The following CDH18 variants were observed in gnomAD, a reference collection of about 807,000 sequenced individuals.
CDH18 encodes cadherin 18, also known as cadherin-18.
Under a neutral mutation model 67.9 loss-of-function variants are expected in CDH18, and 31 were observed. That is an observed-to-expected ratio of 0.46 (90% CI 0.34 to 0.62). CDH18 has a LOEUF of 0.62. CDH18 is among the 20% of genes least tolerant of loss of function. The probability of loss-of-function intolerance (pLI) is 0.01; values close to 1 mark genes in which losing one functional copy is unlikely to be tolerated. For missense variants in CDH18, 890 were observed against 975.5 expected (o/e 0.91, Z 1.17); for synonymous variants, 362 against 347.2 (o/e 1.04, Z -0.48).
chr5:20,187,343 C>A (rs1738180275), intron 2 of CDH18, among the ~76,000 whole-genome samples: 2 of 151,732 alleles, frequency 1.3e-5, no homozygotes, highest in South Asian at 4.1e-4. Context: ...AATGTGTTAG[C>A]AACCTGTGTA....
At chr5:20,166,569 T>C (rs1382797604) in intron 2 of CDH18, among the ~76,000 whole-genome samples, 1 of 151,272 alleles carries the variant, frequency 6.6e-6, no homozygotes, top group Non-Finnish European at 1.5e-5. Flanking sequence ...TGAGTAAGAG[T>C]CACCTCGAAA....
At chr5:19,865,019 A>C (rs2149996524) in intron 2 of CDH18, among the ~76,000 whole-genome samples, 1 of 152,226 alleles carries the variant, frequency 6.6e-6, no homozygotes, top group Non-Finnish European at 1.5e-5. Context: ...CAATGGGTGA[A>C]ACCTCTGCTG....
At chr5:20,269,102 C>A (rs977696485) in intron 1 of CDH18, among the ~76,000 whole-genome samples, 9 of 151,962 alleles carry the variant, frequency 5.9e-5, no homozygotes, top group African/African-American at 2.4e-5. Context: ...AAAGAAGATA[C>A]ACAAATGGCC....
intron 2 of CDH18, among the ~76,000 whole-genome samples, chr5:20,104,619 T>C (rs1349389686): frequency 6.6e-6 from 1 of 152,134 alleles, no homozygotes; most frequent in African/African-American, 2.4e-5. Flanking sequence ...CTTCCCCACC[T>C]GTCCACGTCT....
intron 2 of CDH18, among the ~76,000 whole-genome samples, chr5:20,153,892 G>C (rs116470489): frequency 0.016 from 2,395 of 152,270 alleles, 33 homozygotes; most frequent in Middle Eastern, 0.031. Flanking sequence ...TTCCAAACTG[G>C]AATTGGTGGT....
chr5:19,864,336 C>T (rs1049829382), intron 2 of CDH18, among the ~76,000 whole-genome samples: 19 of 136,588 alleles, frequency 1.4e-4, no homozygotes, highest in Non-Finnish European at 2.4e-4. Context: ...AATGAGAACA[C>T]ATGGACACAG....
intron 1 of CDH18, among the ~76,000 whole-genome samples, chr5:20,391,203 T>A (rs113161963): frequency 6.6e-6 from 1 of 152,162 alleles, no homozygotes; most frequent in South Asian, 2.1e-4. Context: ...AACATAAAGA[T>A]ATATATAACA....
intron 5 of CDH18, among the ~76,000 whole-genome samples, chr5:19,622,876 T>C (rs80104292): frequency 0.044 from 6,641 of 152,202 alleles, 488 homozygotes; most frequent in African/African-American, 0.15. Flanking sequence ...GATTAAGAAA[T>C]TGCCTAGACA....
intron 1 of CDH18, among the ~76,000 whole-genome samples, chr5:20,562,305 C>G (rs577321254): frequency 6.6e-6 from 1 of 151,732 alleles, no homozygotes; most frequent in African/African-American, 2.4e-5. Flanking sequence ...GAGTTTGGTA[C>G]TATACACAAA....
chr5:19,787,138 C>T lies in CDH18; in HGVS notation c.229-39902G>A, dbSNP rs189314893. ...CTGTCTCTTCACAACTATGCCACAA[C>T]TCTGAGATATCTTTGCCTTGGCCTG... On this transcript the variant is annotated intron_variant, in intron 3 of 12. Coordinates refer to ENST00000382275, the MANE Select transcript of CDH18 (RefSeq NM_004934.5). Among the ~76,000 whole-genome samples the T allele has an allele frequency of 2.0e-5, 3 of 152,258 alleles. No homozygotes were observed. The East Asian group carries it at 5.8e-4, about 29-fold the overall frequency.
intron 5 of CDH18, among the ~76,000 whole-genome samples, chr5:19,706,271 T>A (rs1763948135): frequency 6.6e-6 from 1 of 152,214 alleles, no homozygotes; most frequent in Non-Finnish European, 1.5e-5. Context: ...ATACACCTCT[T>A]CCAGGACTTT....
At position 20,557,382 on chromosome 5, in the gene CDH18, AAAAT is replaced by A. The variant is rs752068343; in HGVS notation, c.-580+18076_-580+18079del. 2.1e-4 allele frequency among the ~76,000 whole-genome samples: 32 copies of A among 152,304 alleles called. 1 individual carries two copies. The South Asian group carries it at 2.7e-3, about 13-fold the overall frequency. On this transcript the variant is annotated intron_variant, in intron 1 of 14. Coordinates refer to the CDH18 transcript ENST00000507958. ...TGGTGTTCAGATAAAAATAGTGGAA[AAAAT>A]AAATAAAAATTAAATATTAAAAAAT...
intron 1 of CDH18, among the ~76,000 whole-genome samples, chr5:20,257,101 C>T (rs1490968441): frequency 6.6e-6 from 1 of 151,970 alleles, no homozygotes; most frequent in Non-Finnish European, 1.5e-5. Flanking sequence ...AGAACACCTC[C>T]ATGGACCTTT....
chr5:20,557,756 A>G (rs1703068), intron 1 of CDH18, among the ~76,000 whole-genome samples: 102,006 of 146,440 alleles, frequency 0.7, 36,289 homozygotes, highest in East Asian at 0.98. Flanking sequence ...AGAAATTTCT[A>G]TTACTAAGGA....
chr5:20,105,712 C>A (rs1746872836), intron 2 of CDH18, among the ~76,000 whole-genome samples: 1 of 152,160 alleles, frequency 6.6e-6, no homozygotes, highest in Admixed American at 6.5e-5. Flanking sequence ...CATAACATTT[C>A]TAAGATTTGT....
intron 1 of CDH18, among the ~76,000 whole-genome samples, chr5:20,475,460 T>C (rs1268827236): frequency 6.6e-6 from 1 of 152,200 alleles, no homozygotes; most frequent in African/African-American, 2.4e-5. Context: ...GAGATGTAAA[T>C]GATCAAATTT....
chr5:19,651,523 A>T (rs1283051319), intron 5 of CDH18, among the ~76,000 whole-genome samples: 2 of 152,076 alleles, frequency 1.3e-5, no homozygotes, highest in African/African-American at 4.8e-5. Flanking sequence ...AATTCTGTCA[A>T]AGAAGACGTT....
chr5:19,828,864 C>T (rs778973234), intron 3 of CDH18, among the ~76,000 whole-genome samples: 13 of 152,046 alleles, frequency 8.6e-5, no homozygotes, highest in Non-Finnish European at 1.3e-4. Flanking sequence ...ATGGTGAAAC[C>T]CTGTCTCTAC....
At chr5:19,569,884 G>A (rs1339929555) in intron 8 of CDH18, among the ~76,000 whole-genome samples, 1 of 151,968 alleles carries the variant, frequency 6.6e-6, no homozygotes, top group East Asian at 1.9e-4. Flanking sequence ...CCCACCAAAT[G>A]TACAACTTTT....
Sources: gnomAD v4.1 joint callset for allele counts (sites outside exome capture counted in the v4.1 genomes callset) on GRCh38, gnomAD v4.1.1 for gene constraint, MANE v1.5 for transcripts, NCBI Gene and HGNC (gene_info 2026-07-23, HGNC 2026-07-21) for gene names.